The following PCSK2 variants were observed in gnomAD, a reference collection of about 807,000 sequenced individuals.
The protein encoded by PCSK2 is neuroendocrine convertase 2.
Under a neutral mutation model 69.7 loss-of-function variants are expected in PCSK2, and 14 were observed. The ratio of observed to expected loss-of-function variants is 0.20; its 90% CI spans 0.13 to 0.31. The LOEUF (loss-of-function observed/expected upper bound fraction) is 0.31. Ranked by LOEUF, PCSK2 falls within the 10% of genes least tolerant of loss-of-function variation. PCSK2 has a pLI of 1.00. For missense variants in PCSK2, 544 were observed against 842.5 expected, an observed-to-expected ratio of 0.65 and a Z score of 4.39; for synonymous variants, 307 against 320.7, an observed-to-expected ratio of 0.96 and a Z score of 0.46.
intron 10 of PCSK2, chr20:17,463,504 TTTTC>T (rs1475368604): frequency 6.6e-6 from 1 of 151,500 alleles, no homozygotes; most frequent in Non-Finnish European, 1.5e-5. Context: ...TCTTTTCTTT[TTTTC>T]TTTTTTTTTT....
chr20:17,369,648 T>A, intron 5 of PCSK2, among the ~76,000 whole-genome samples: 1 of 152,154 alleles, frequency 6.6e-6, no homozygotes, highest in Non-Finnish European at 1.5e-5. Flanking sequence ...GCAAAGGCAG[T>A]GGCTTTGAGA....
intron 2 of PCSK2, among the ~76,000 whole-genome samples, chr20:17,324,561 A>G (rs996954954): frequency 2.0e-5 from 3 of 152,158 alleles, no homozygotes; most frequent in Admixed American, 1.3e-4. Context: ...CCATCGACTT[A>G]GGACACTCCT....
At chr20:17,401,681 G>A (rs2031640731) in intron 5 of PCSK2, among the ~76,000 whole-genome samples, 1 of 152,132 alleles carries the variant, frequency 6.6e-6, no homozygotes, top group African/African-American at 2.4e-5. Flanking sequence ...TGGCAGGTAG[G>A]GGTGTGCTGA....
intron 1 of PCSK2, among the ~76,000 whole-genome samples, chr20:17,245,277 C>A (rs1986727889): frequency 6.6e-6 from 1 of 152,198 alleles, no homozygotes; most frequent in South Asian, 2.1e-4. Context: ...AGACAGATAT[C>A]AAACACAAGT....
intron 8 of PCSK2, among the ~76,000 whole-genome samples, chr20:17,438,835 G>T (rs1229956570): frequency 6.6e-6 from 1 of 152,216 alleles, no homozygotes; most frequent in Non-Finnish European, 1.5e-5. Flanking sequence ...GCAATTTATG[G>T]TCCAGAGCCC....
At chr20:17,366,138 A>G (rs2030584617) in intron 4 of PCSK2, among the ~76,000 whole-genome samples, 1 of 151,238 alleles carries the variant, frequency 6.6e-6, no homozygotes, top group Admixed American at 6.6e-5. Flanking sequence ...ACTGGAGCTC[A>G]GAGCCAGGGT....
intron 2 of PCSK2, among the ~76,000 whole-genome samples, chr20:17,339,131 C>T (rs1387502939): frequency 6.6e-6 from 1 of 152,210 alleles, no homozygotes; most frequent in Non-Finnish European, 1.5e-5. Flanking sequence ...CCCCATACAA[C>T]AGTTCCATAA....
In PCSK2 at chr20:17,378,448, T is replaced by C. The variant is rs180829183; in HGVS notation, c.543+9171T>C. Among the ~76,000 whole-genome samples the C allele has an allele frequency of 9.2e-5, 14 of 152,342 alleles. No homozygotes were observed. In the East Asian group the frequency reaches 2.5e-3, roughly 27 times the overall value. ...GCCCTTCGACAGATTCTCATCTCTT[T>C]GACTAAATTTAACTGGCTTAAAGAC... is the stretch of plus-strand genomic sequence containing the variant. On this transcript the variant is annotated intron_variant, in intron 5 of 11. Transcript: ENST00000262545.
intron 11 of PCSK2, among the ~76,000 whole-genome samples, chr20:17,468,875 A>G (rs1428244465): frequency 6.6e-6 from 1 of 152,258 alleles, no homozygotes; most frequent in Non-Finnish European, 1.5e-5. Context: ...GAGCATCCTC[A>G]TTGTTTACTC....
chr20:17,281,213 C>T (rs138920597), intron 2 of PCSK2, among the ~76,000 whole-genome samples: 6 of 152,346 alleles, frequency 3.9e-5, no homozygotes, highest in Admixed American at 1.3e-4. Flanking sequence ...GAGACAACCT[C>T]TTTGTCCTCC....
chr20:17,406,542 T>A (rs2031754206), intron 5 of PCSK2, among the ~76,000 whole-genome samples: 1 of 152,174 alleles, frequency 6.6e-6, no homozygotes. Flanking sequence ...GGTTGCAGAG[T>A]TCTGAGGGTT....
At chr20:17,303,054 A>G (rs1989138939) in intron 2 of PCSK2, among the ~76,000 whole-genome samples, 1 of 151,400 alleles carries the variant, frequency 6.6e-6, no homozygotes, top group African/African-American at 2.4e-5. Flanking sequence ...TTTTTTCTAT[A>G]AATTCTCATC....
intron 11 of PCSK2, among the ~76,000 whole-genome samples, 196 bp from the exon 12 acceptor site, chr20:17,481,388 C>CAAAAAAA (rs3076146): frequency 2.7e-4 from 18 of 65,682 alleles, no homozygotes; most frequent in African/African-American, 4.6e-4. Flanking sequence ...TCTCAAAAGA[C>CAAAAAAA]AAAAAAAAAA....
chr20:17,296,493 G>A (rs894398570), intron 2 of PCSK2, among the ~76,000 whole-genome samples: 3 of 152,030 alleles, frequency 2.0e-5, no homozygotes, highest in Non-Finnish European at 2.9e-5. Context: ...TCACCTGGAC[G>A]CCATCTGTTT....
intron 2 of PCSK2, among the ~76,000 whole-genome samples, chr20:17,307,190 A>G (rs149678024): frequency 6.6e-6 from 1 of 152,298 alleles, no homozygotes; most frequent in Non-Finnish European, 1.5e-5. Context: ...TGAGAATATG[A>G]AGTTGAATAA....
At chr20:17,440,973 G>T (rs766631364) in intron 8 of PCSK2, among the ~76,000 whole-genome samples, 6 of 152,148 alleles carry the variant, frequency 3.9e-5, no homozygotes, top group Non-Finnish European at 4.4e-5. Flanking sequence ...GTGGCTGCAG[G>T]ATGCCAGCCC....
At chr20:17,296,902 T>C (rs552467743) in intron 2 of PCSK2, among the ~76,000 whole-genome samples, 48 of 152,312 alleles carry the variant, frequency 3.2e-4, no homozygotes, top group African/African-American at 1.0e-3. Flanking sequence ...AGATATTTAT[T>C]TTTGTTAAAT....
chr20:17,429,288 C>A, intron 6 of PCSK2, 147 bp from the exon 7 acceptor site: 1 of 623,046 alleles, frequency 1.6e-6, no homozygotes, highest in South Asian at 2.1e-5. Context: ...AACTTTAACA[C>A]AAGGGCTGAC....
intron 1 of PCSK2, among the ~76,000 whole-genome samples, chr20:17,237,771 G>T (rs578156753): frequency 6.6e-6 from 1 of 152,092 alleles, no homozygotes; most frequent in African/African-American, 2.4e-5. Context: ...AGGAAAGGAA[G>T]GCAGGAATAA....
Sources: allele counts gnomAD v4.1 joint callset (sites outside exome capture counted in the v4.1 genomes callset), GRCh38; gene constraint gnomAD v4.1.1; transcripts MANE v1.5; gene names NCBI Gene and HGNC (gene_info 2026-07-23, HGNC 2026-07-21).